Variants in RPTOR observed in about 807,000 individuals in gnomAD.
RPTOR encodes regulatory-associated protein of mTOR.
Under a neutral mutation model 169.9 loss-of-function variants are expected in RPTOR, and 21 were observed. The ratio of observed to expected loss-of-function variants is 0.12; its 90% CI spans 0.09 to 0.18. The LOEUF is 0.18. Among genes scored for constraint, RPTOR ranks in the 10% least tolerant of loss-of-function variants. The probability of loss-of-function intolerance (pLI) is 1.00; values close to 1 mark genes in which losing one functional copy is unlikely to be tolerated. For synonymous variants in RPTOR, 732 were observed against 753.2 expected (o/e 0.97, Z 0.46); for missense variants, 1,133 against 1,855.9 (o/e 0.61, Z 7.16).
intron 7 of RPTOR, among the ~76,000 whole-genome samples, chr17:80,813,477 A>T (rs1444516708): frequency 6.6e-6 from 1 of 152,130 alleles, no homozygotes; most frequent in Non-Finnish European, 1.5e-5. Context: ...GTTCATTGAG[A>T]AGCTGGATGA....
intron 3 of RPTOR, among the ~76,000 whole-genome samples, chr17:80,680,398 G>A (rs2065889799): frequency 6.6e-6 from 1 of 152,220 alleles, no homozygotes; most frequent in African/African-American, 2.4e-5. Flanking sequence ...CACTTTGGGA[G>A]GCCCAGGTAG....
intron 6 of RPTOR, among the ~76,000 whole-genome samples, chr17:80,789,192 T>C (rs1372715789): frequency 2.6e-5 from 4 of 152,242 alleles, no homozygotes; most frequent in East Asian, 3.8e-4. Flanking sequence ...TGGCCAACTA[T>C]GAATCTGTTT....
intron 6 of RPTOR, among the ~76,000 whole-genome samples, chr17:80,757,215 G>A (rs56863354): frequency 0.18 from 27,022 of 152,126 alleles, 2,844 homozygotes; most frequent in East Asian, 0.24. Flanking sequence ...TGAAGATCTC[G>A]GAAATGCACT....
At chr17:80,557,707 T>G (rs913765926) in intron 1 of RPTOR, among the ~76,000 whole-genome samples, 45 of 151,870 alleles carry the variant, frequency 3.0e-4, no homozygotes, top group African/African-American at 1.1e-3. Flanking sequence ...GGCAGATCAC[T>G]TGAGGTCAGG....
intron 8 of RPTOR, among the ~76,000 whole-genome samples, chr17:80,822,867 ATGCATGTG>A (rs970408635): frequency 6.6e-6 from 1 of 152,086 alleles, no homozygotes; most frequent in African/African-American, 2.4e-5. Context: ...ACATGTATGT[ATGCATGTG>A]TGCATGTGTG....
chr17:80,832,539 G>T (rs1184926206), intron 9 of RPTOR, among the ~76,000 whole-genome samples: 3 of 152,206 alleles, frequency 2.0e-5, no homozygotes, highest in Non-Finnish European at 4.4e-5. Flanking sequence ...GGCAGGGAGG[G>T]AGGCACAAAG....
chr17:80,734,747 G>A (rs966977644), intron 5 of RPTOR, among the ~76,000 whole-genome samples: 8 of 152,128 alleles, frequency 5.3e-5, no homozygotes, highest in African/African-American at 1.9e-4. Flanking sequence ...AGAACAGCCC[G>A]CCCTCTGTAT....
In RPTOR at chr17:80,731,763, T is replaced by C. The variant is rs1254108222; in HGVS notation, c.654+1057T>C. Among the ~76,000 whole-genome samples, 6 of 152,258 alleles carry C rather than the reference T, an allele frequency of 3.9e-5. No homozygotes were observed. In the East Asian group the frequency reaches 1.2e-3, roughly 29 times the overall value. On this transcript the variant is annotated intron_variant, in intron 5 of 33. Coordinates refer to ENST00000306801, the MANE Select transcript of RPTOR (RefSeq NM_020761.3). Reference sequence around the variant, plus strand: ...GTATGTTTCCTCAAGCCTTTTTGAATATATTCAATTTTAATGTATTATGTT... The same window carrying C: ...GTATGTTTCCTCAAGCCTTTTTGAACATATTCAATTTTAATGTATTATGTT...
chr17:80,550,371 T>G (rs950028833), intron 1 of RPTOR, among the ~76,000 whole-genome samples: 1 of 152,358 alleles, frequency 6.6e-6, no homozygotes, highest in East Asian at 1.9e-4. Context: ...TAGTTGTTCC[T>G]TCTCAGACTC....
chr17:80,685,646 T>TAA (rs60572777), intron 3 of RPTOR, among the ~76,000 whole-genome samples: 11 of 108,662 alleles, frequency 1.0e-4, no homozygotes, highest in African/African-American at 3.5e-4. Context: ...TTTTTTTTTT[T>TAA]TTTTTTTTTT....
intron 20 of RPTOR, among the ~76,000 whole-genome samples, chr17:80,898,878 G>C (rs976347832): frequency 3.9e-5 from 6 of 151,984 alleles, no homozygotes; most frequent in Non-Finnish European, 7.4e-5. Flanking sequence ...TGACAGCAGC[G>C]CATGACAGGA....
At chr17:80,687,456 A>T (rs1567857941) in intron 3 of RPTOR, among the ~76,000 whole-genome samples, 1 of 152,132 alleles carries the variant, frequency 6.6e-6, no homozygotes, top group East Asian at 1.9e-4. Flanking sequence ...ATCTGCCCAC[A>T]CTGTATCTAT....
Position 80,949,610 on chromosome 17 carries a change from A to G in RPTOR, c.3370+63A>G. 4.4e-6 allele frequency: 6 copies of G among 1,368,158 alleles called. No individual in the cohort carries two copies. The South Asian group carries it at 6.9e-5, about 16-fold the overall frequency. 84.8% of individuals were successfully genotyped at this position (1,368,158 alleles called of 1,614,324 possible). A position where few individuals can be genotyped will look rare whatever the true frequency, so the allele number is the denominator to read the frequency against. On this transcript the variant is annotated intron_variant, in intron 28 of 33. Coordinates refer to ENST00000306801, the MANE Select transcript of RPTOR (RefSeq NM_020761.3). ...TCCCGGGGCTGCGGACGCACTCGGA[A>G]TTCCAAGGCCCTTCTGGGGCTGTCT...
intron 7 of RPTOR, 151 bp downstream of exon 7, chr17:80,791,660 G>T (rs2067050089): frequency 1.5e-6 from 1 of 666,482 alleles, no homozygotes; most frequent in African/African-American, 1.8e-5. Context: ...TTAAGGCTGT[G>T]TTTGTGATTG....
At chr17:80,915,814 A>C (rs955021384) in intron 21 of RPTOR, among the ~76,000 whole-genome samples, 8 of 146,366 alleles carry the variant, frequency 5.5e-5, no homozygotes, top group Non-Finnish European at 1.2e-4. Context: ...CGTCGGGAAA[A>C]CCAGCTGCGG....
intron 6 of RPTOR, among the ~76,000 whole-genome samples, chr17:80,777,998 C>T (rs976119059): frequency 6.6e-6 from 1 of 152,186 alleles, no homozygotes; most frequent in African/African-American, 2.4e-5. Context: ...AGTGTTATTT[C>T]ATTATGCAGT....
chr17:80,808,890 G>T (rs2090204), intron 7 of RPTOR, among the ~76,000 whole-genome samples: 20,580 of 152,076 alleles, frequency 0.14, 1,475 homozygotes, highest in East Asian at 0.24. Flanking sequence ...CCGTCACCCT[G>T]TGTGTCACAG....
intron 21 of RPTOR, among the ~76,000 whole-genome samples, chr17:80,919,593 C>T (rs903797279): frequency 3.9e-5 from 6 of 152,180 alleles, no homozygotes; most frequent in Non-Finnish European, 2.9e-5. Context: ...GTGGCGCTCC[C>T]GGAACAGGAG....
chr17:80,759,066 G>A (rs1167426262), intron 6 of RPTOR, among the ~76,000 whole-genome samples: 2 of 151,730 alleles, frequency 1.3e-5, no homozygotes, highest in Admixed American at 6.6e-5. Flanking sequence ...CACTCCCAAA[G>A]ACGCCTGGGC....
Sources: allele counts gnomAD v4.1 joint callset (sites outside exome capture counted in the v4.1 genomes callset), GRCh38; gene constraint gnomAD v4.1.1; transcripts MANE v1.5; gene names NCBI Gene and HGNC (gene_info 2026-07-23, HGNC 2026-07-21).